Variants in CDKN2B-AS1 observed in about 807,000 individuals in gnomAD.
The protein encoded by CDKN2B-AS1 is CDKN2B and CDKN2A antisense cis and trans regulatory RNA 1.
intron 1 of CDKN2B-AS1, chr9:22,008,869 T>A (rs1385463467): frequency 6.2e-7 from 1 of 1,612,154 alleles, no homozygotes. Context: ...TGTCGCACCT[T>A]CTCCACTAGT....
intron 3 of CDKN2B-AS1, among the ~76,000 whole-genome samples, chr9:22,053,144 T>C (rs753961282): frequency 6.6e-6 from 1 of 152,208 alleles, no homozygotes; most frequent in Non-Finnish European, 1.5e-5. Flanking sequence ...GTGCAGGAAG[T>C]AGGAATCTTA....
chr9:22,006,394 G>T lies in CDKN2B-AS1; in HGVS notation n.29+11233G>T. On this transcript the variant is annotated intron_variant and non_coding_transcript_variant, in intron 1 of 4. Coordinates refer to ENST00000650946, the Ensembl canonical transcript of CDKN2B-AS1. This position sits in a 1 kb window ranked among gnomAD's most constrained non-coding sequence, Gnocchi z 6.4. ...GAGGTGTTCAGGTCTCTGATGTCTG[G>T]TGTTTCTTCATTTGCTGATGCAATC... 4.5e-6 allele frequency: 5 copies of T among 1,111,974 alleles called. No individual in the cohort carries two copies. The highest frequency in any genetic ancestry group is 2.1e-5 in the Admixed American group (1 of 48,012). 68.9% of individuals were successfully genotyped at this position (1,111,974 alleles called of 1,614,324 possible).
intron 1 of CDKN2B-AS1, among the ~76,000 whole-genome samples, chr9:22,041,066 ACTGC>A (rs1486350872): frequency 2.0e-5 from 3 of 151,978 alleles, no homozygotes; most frequent in Non-Finnish European, 4.4e-5. Flanking sequence ...TCACTAAATA[ACTGC>A]CTGCAAAAGT....
At position 22,001,586 on chromosome 9, in the gene CDKN2B-AS1, G is replaced by A. The variant is rs1170922894; in HGVS notation, n.29+6425G>A. Among the ~76,000 whole-genome samples the A allele has an allele frequency of 6.6e-6, 1 of 152,062 alleles. No individual in the cohort carries two copies. The highest frequency in any genetic ancestry group is 1.5e-5 in the Non-Finnish European group (1 of 67,976). The stretch of plus-strand genomic sequence containing the variant: ...CATGCCAATTACATATTATTAATTA[G>A]TGGCACTAGTATTAGTTCATATTTT... On this transcript the variant is annotated intron_variant and non_coding_transcript_variant, in intron 1 of 4. Transcript: ENST00000650946. The surrounding 1 kb of genome is among the most constrained non-coding windows in gnomAD (Gnocchi z 4.2).
At chr9:22,028,331 G>C (rs1024814934) in intron 1 of CDKN2B-AS1, among the ~76,000 whole-genome samples, 3 of 152,078 alleles carry the variant, frequency 2.0e-5, no homozygotes, top group African/African-American at 4.8e-5. Flanking sequence ...CCTTGGCAGA[G>C]TTAAAATAAA....
intron 4 of CDKN2B-AS1, among the ~76,000 whole-genome samples, chr9:22,084,447 T>C (rs902643114): frequency 2.0e-5 from 3 of 152,222 alleles, no homozygotes; most frequent in African/African-American, 4.8e-5. Flanking sequence ...TTATATTTAA[T>C]AGAAGAGTTT....
At chr9:22,015,154 T>C (rs1821686524) in intron 1 of CDKN2B-AS1, among the ~76,000 whole-genome samples, 1 of 152,112 alleles carries the variant, frequency 6.6e-6, no homozygotes, top group Non-Finnish European at 1.5e-5. Flanking sequence ...CAAATGGTAT[T>C]TCTAGTTCTA....
chr9:22,073,135 C>T (rs1485648158), intron 4 of CDKN2B-AS1, among the ~76,000 whole-genome samples: 2 of 152,074 alleles, frequency 1.3e-5, no homozygotes, highest in African/African-American at 4.8e-5. Flanking sequence ...ATACTGCCTT[C>T]ATACTTTTAT....
At chr9:22,013,163 T>C (rs902445478) in intron 1 of CDKN2B-AS1, among the ~76,000 whole-genome samples, 12 of 152,172 alleles carry the variant, frequency 7.9e-5, no homozygotes, top group African/African-American at 2.4e-4. Flanking sequence ...CCAGTCAGAT[T>C]GGATTAGGGC....
At chr9:22,092,162 G>C (rs1173765770) in intron 4 of CDKN2B-AS1, 1 of 152,140 alleles carries the variant, frequency 6.6e-6, no homozygotes, top group Non-Finnish European at 1.5e-5. Context: ...TTGCATCCCA[G>C]GGATGAAGCC....
intron 1 of CDKN2B-AS1, among the ~76,000 whole-genome samples, chr9:21,998,506 G>A (rs182147769): frequency 1.3e-5 from 2 of 152,346 alleles, no homozygotes; most frequent in East Asian, 1.9e-4. Context: ...TGCCTTTTCT[G>A]TTGTCCCAAA....
intron 1 of CDKN2B-AS1, among the ~76,000 whole-genome samples, chr9:22,040,972 TACTATTGCTC>T (rs1822873624): frequency 6.6e-6 from 1 of 152,062 alleles, no homozygotes; most frequent in African/African-American, 2.4e-5. Flanking sequence ...GCATTCATTA[TACTATTGCTC>T]ACTGCGTGTA....
intron 1 of CDKN2B-AS1, among the ~76,000 whole-genome samples, chr9:22,014,229 C>A (rs921962549): frequency 6.6e-6 from 1 of 152,070 alleles, no homozygotes; most frequent in Non-Finnish European, 1.5e-5. Context: ...GTGGTGTGAT[C>A]ATAGCTCACT....
chr9:22,029,793 A>G (rs1472071390), intron 1 of CDKN2B-AS1: 1 of 304,178 alleles, frequency 3.3e-6, no homozygotes, highest in Non-Finnish European at 5.9e-6. Context: ...ATAATCACTA[A>G]GATGTTAGTA....
In CDKN2B-AS1 at chr9:21,997,507, GAGAA is replaced by G. The variant is rs1820741198; in HGVS notation, n.29+2350_29+2353del. Among the ~76,000 whole-genome samples the G allele has an allele frequency of 6.7e-6, 1 of 150,058 alleles. No individual in the cohort carries two copies. The highest frequency in any genetic ancestry group is 2.0e-4 in the East Asian group (1 of 5,128). On this transcript the variant is annotated intron_variant and non_coding_transcript_variant, in intron 1 of 4. Coordinates refer to ENST00000650946, the Ensembl canonical transcript of CDKN2B-AS1. This position sits in a 1 kb window ranked among gnomAD's most constrained non-coding sequence, Gnocchi z 4.8. ...AGAGAGAGAGAGAGAGAGAGAGAAA[GAGAA>G]AGAGAGAAAATACTTATTTTAAGGA...
chr9:22,117,391 C>T (rs757621422), intron 4 of CDKN2B-AS1, among the ~76,000 whole-genome samples: 2 of 152,036 alleles, frequency 1.3e-5, no homozygotes, highest in African/African-American at 4.8e-5. Context: ...TCCCAGGGCA[C>T]TTAAATGAAG....
intron 1 of CDKN2B-AS1, among the ~76,000 whole-genome samples, chr9:22,016,174 C>T (rs10217269): frequency 0.096 from 14,569 of 152,090 alleles, 986 homozygotes; most frequent in Admixed American, 0.24. Context: ...CTTGCCCATG[C>T]CTATGTCCTG....
chr9:22,053,413 C>T (rs924339297), intron 3 of CDKN2B-AS1, among the ~76,000 whole-genome samples: 1 of 152,186 alleles, frequency 6.6e-6, no homozygotes, highest in African/African-American at 2.4e-5. Context: ...AATCATAAAG[C>T]TAAACATGTT....
At chr9:22,070,017 G>A (rs1354094462) in intron 4 of CDKN2B-AS1, among the ~76,000 whole-genome samples, 1 of 152,084 alleles carries the variant, frequency 6.6e-6, no homozygotes, top group African/African-American at 2.4e-5. Context: ...AGGTGCCTCA[G>A]ATTTAATGGT....
Sources: gnomAD v4.1 joint callset for allele counts (sites outside exome capture counted in the v4.1 genomes callset) on GRCh38, gnomAD v4.1.1 for gene constraint, Gnocchi (gnomAD v3.1) non-coding constraint, MANE v1.5 for transcripts, NCBI Gene and HGNC (gene_info 2026-07-23, HGNC 2026-07-21) for gene names.